The following MSH4 variants were observed in gnomAD, a reference collection of about 807,000 sequenced individuals.
MSH4 encodes mutS protein homolog 4.
In MSH4, 106 loss-of-function variants were observed where a neutral mutation model predicts 113.7. The observed-to-expected ratio is 0.93, with a 90% confidence interval of 0.80 to 1.10. The LOEUF (loss-of-function observed/expected upper bound fraction) is 1.10. Among genes scored for constraint, MSH4 ranks in the 50% least tolerant of loss-of-function variants. MSH4 has a pLI of 0.00. For synonymous variants in MSH4, 368 were observed against 380.2 expected (o/e 0.97, Z 0.37); for missense variants, 1,061 against 1,093.7 (o/e 0.97, Z 0.42).
chr1:75,847,092 G>A (rs1457446020), intron 7 of MSH4, among the ~76,000 whole-genome samples: 2 of 152,056 alleles, frequency 1.3e-5, no homozygotes, highest in Non-Finnish European at 2.9e-5. Context: ...TGAGAGGAAG[G>A]GAGCTGAACT....
intron 2 of MSH4, 31 bp downstream of exon 2, chr1:75,803,944 T>C (rs1224104050): frequency 7.1e-7 from 1 of 1,398,698 alleles, no homozygotes; most frequent in Non-Finnish European, 9.4e-7. Flanking sequence ...ACCTAGATGA[T>C]GTTTTGAAAC....
intron 6 of MSH4, 56 bp from the exon 7 acceptor site, chr1:75,822,353 G>T: frequency 2.6e-5 from 26 of 1,008,274 alleles, no homozygotes; most frequent in Non-Finnish European, 3.5e-5. Flanking sequence ...AAAGTGAAAT[G>T]AAATTTTCTT....
chr1:75,880,114 G>A lies in MSH4; in HGVS notation c.1742G>A (p.Cys581Tyr). ...SADLIKMNER[C>Y]QESLREIYHM... ...GATTTAATTAAAATGAATGAAAGAT[G>A]CCAAGAATCTTTGAGAGAAATCTAT... Residue 581 changes from cysteine (C) to tyrosine (Y), a missense_variant, in exon 13 of 20, where the codon TGC (cysteine) becomes TAC (tyrosine). Cys to Tyr is a radical substitution (Grantham distance 194). Transcript: ENST00000263187. The A allele has an allele frequency of 6.3e-7, 1 of 1,595,922 alleles. No homozygotes were observed. Among genetic ancestry groups the A allele is most frequent in the South Asian group, 1.1e-5 (1 of 87,600 alleles).
At chr1:75,824,324 T>G (rs1374591189) in intron 7 of MSH4, among the ~76,000 whole-genome samples, 4 of 152,284 alleles carry the variant, frequency 2.6e-5, no homozygotes, top group Middle Eastern at 3.4e-3. Flanking sequence ...GATGGGGTTG[T>G]TTTTTTCTTG....
At chr1:75,885,468 TAC>T (rs1300345428) in intron 15 of MSH4, among the ~76,000 whole-genome samples, 4 of 73,538 alleles carry the variant, frequency 5.4e-5, no homozygotes, top group Non-Finnish European at 5.5e-5. Flanking sequence ...TATGTATATA[TAC>T]ACACACACAC....
At chr1:75,905,049 T>C (rs943888210) in intron 19 of MSH4, among the ~76,000 whole-genome samples, 11 of 152,028 alleles carry the variant, frequency 7.2e-5, no homozygotes, top group Non-Finnish European at 1.2e-4. Flanking sequence ...CATTTATTTC[T>C]GCTTTGATCT....
chr1:75,908,911 G>T (rs1652729000), intron 19 of MSH4, among the ~76,000 whole-genome samples: 1 of 152,176 alleles, frequency 6.6e-6, no homozygotes, highest in Non-Finnish European at 1.5e-5. Flanking sequence ...TGTGTGGAAA[G>T]GCTGGCTAGG....
At chr1:75,870,508 G>A (rs1195967191) in intron 9 of MSH4, among the ~76,000 whole-genome samples, 1 of 152,134 alleles carries the variant, frequency 6.6e-6, no homozygotes, top group East Asian at 1.9e-4. Flanking sequence ...ACATGTCAAA[G>A]GCAGGGCCAG....
At chr1:75,884,977 ATGTATATATATG>A (rs1365416819) in intron 15 of MSH4, among the ~76,000 whole-genome samples, 1 of 56,560 alleles carries the variant, frequency 1.8e-5, no homozygotes, top group African/African-American at 5.0e-5. Flanking sequence ...ATATGTATGT[ATGTATATATATG>A]TGTATATATA....
At chr1:75,831,723 T>C (rs1415283415) in intron 7 of MSH4, among the ~76,000 whole-genome samples, 1 of 152,208 alleles carries the variant, frequency 6.6e-6, no homozygotes, top group Non-Finnish European at 1.5e-5. Context: ...AATAAAGATG[T>C]TCTTTGAAAC....
chr1:75,798,317 T>C (rs184980852), intron 1 of MSH4, among the ~76,000 whole-genome samples: 103 of 152,242 alleles, frequency 6.8e-4, no homozygotes, highest in African/African-American at 2.3e-3. Context: ...GCTTCCTTGA[T>C]TCCACTTGCC....
At chr1:75,874,717 C>G (rs529866463) in intron 9 of MSH4, among the ~76,000 whole-genome samples, 1 of 152,170 alleles carries the variant, frequency 6.6e-6, no homozygotes, top group South Asian at 2.1e-4. Flanking sequence ...TTGTGCATGC[C>G]TGGCACAACT....
intron 7 of MSH4, among the ~76,000 whole-genome samples, chr1:75,840,686 T>C (rs201154339): frequency 2.3e-5 from 2 of 86,376 alleles, no homozygotes; most frequent in African/African-American, 5.8e-5. Flanking sequence ...AAATAAAAAA[T>C]AAAATAAAAT....
At chr1:75,825,580 A>G (rs113100274) in intron 7 of MSH4, among the ~76,000 whole-genome samples, 8 of 152,100 alleles carry the variant, frequency 5.3e-5, no homozygotes, top group African/African-American at 1.2e-4. Context: ...TGCCCATTCA[A>G]TATGATATTG....
At chr1:75,898,519 T>C (rs1251891222) in intron 18 of MSH4, among the ~76,000 whole-genome samples, 10 of 105,140 alleles carry the variant, frequency 9.5e-5, no homozygotes, top group East Asian at 2.1e-4. Context: ...TACCAAACCA[T>C]ATTTTTTTTT....
chr1:75,881,395 CAT>C (rs1651929535), intron 14 of MSH4, 25 bp downstream of exon 14: 13 of 1,601,526 alleles, frequency 8.1e-6, no homozygotes, highest in Non-Finnish European at 1.1e-5. Context: ...TTGGAATAAA[CAT>C]ATTGCATAGT....
rs968615625 is a variant in MSH4, at chr1:75,797,010, A to G, written c.25A>G (p.Thr9Ala). The change falls in exon 1 of 20, where the codon ACC becomes GCC. Residue 9 changes from threonine to alanine, a missense_variant. Thr to Ala is a moderately conservative substitution (Grantham distance 58). Transcript: ENST00000263187. MLRPEISSTSPSAPAVSPS... is the reference protein window; with the variant it reads MLRPEISSASPSAPAVSPS... ...GATGCTGAGGCCTGAGATCTCATCAACCTCGCCTTCTGCCCCGGCGGTTTC... is the reference window on the plus strand; with the variant it reads ...GATGCTGAGGCCTGAGATCTCATCAGCCTCGCCTTCTGCCCCGGCGGTTTC... 2.5e-5 allele frequency: 40 copies of G among 1,613,836 alleles called. No homozygotes were observed. The highest frequency in any genetic ancestry group is 3.1e-5 in the Non-Finnish European group (37 of 1,179,998).
chr1:75,875,045 A>G (rs1207506702), intron 9 of MSH4, among the ~76,000 whole-genome samples: 1 of 152,090 alleles, frequency 6.6e-6, no homozygotes, highest in African/African-American at 2.4e-5. Flanking sequence ...GGCACGCACC[A>G]CCATGCCCAG....
chr1:75,832,396 A>C (rs1408206737), intron 7 of MSH4, among the ~76,000 whole-genome samples: 3 of 152,186 alleles, frequency 2.0e-5, no homozygotes, highest in African/African-American at 7.2e-5. Flanking sequence ...AATTATTCTG[A>C]TCAATAGAAA....
Sources: gnomAD v4.1 joint callset for allele counts (sites outside exome capture counted in the v4.1 genomes callset) on GRCh38, gnomAD v4.1.1 for gene constraint, MANE v1.5 for transcripts, NCBI Gene and HGNC (gene_info 2026-07-23, HGNC 2026-07-21) for gene names.